The following TTN variants were observed in gnomAD, a reference collection of about 807,000 sequenced individuals.
TTN encodes the protein titin, also known as connectin.
TTN carries 1,525 observed loss-of-function variants against 3,223.0 expected under a neutral mutation model. That is an observed-to-expected ratio of 0.47 (90% CI 0.45 to 0.49). The LOEUF is 0.49. TTN is among the 20% of genes least tolerant of loss of function. The pLI is 0.00. For missense variants in TTN, 40,786 were observed against 43,424.0 expected, an observed-to-expected ratio of 0.94 and a Z score of 5.40; for synonymous variants, 14,094 against 15,161.0, an observed-to-expected ratio of 0.93 and a Z score of 5.17.
Position 178,693,615 on chromosome 2 carries a change from G to A in TTN, c.31588C>T (p.Pro10530Ser), listed in dbSNP as rs1441865570. The A allele has an allele frequency of 2.5e-6, 4 of 1,591,164 alleles. No individual in the cohort carries two copies. Among genetic ancestry groups the A allele is most frequent in the Non-Finnish European group, 2.6e-6 (3 of 1,164,324 alleles). ...VAISKRVEPP[P>S]KVPELPEKPA... Reference sequence around the variant, plus strand: ...TAGAATGAATTACTAATACCTTTAGGTGGTGGTTCAACCCTTTTGGAAATG... The same window carrying A: ...TAGAATGAATTACTAATACCTTTAGATGGTGGTTCAACCCTTTTGGAAATG... Residue 10530 changes from proline to serine, a missense_variant, in exon 119 of 363, where the codon CCT (proline) becomes TCT (serine). Physicochemically the swap from Pro to Ser is moderately conservative, Grantham distance 74 (BLOSUM62 -1). Transcript: ENST00000589042.
At chr2:178,766,644 C>T (rs371198454) in intron 40 of TTN, 32 bp from the exon 41 acceptor site, 83 of 1,568,096 alleles carry the variant, frequency 5.3e-5, no homozygotes, top group Non-Finnish European at 7.2e-5. Context: ...AAAACAACAA[C>T]AACAACAAAA....
Position 178,622,669 on chromosome 2 carries a change from C to A in TTN, c.44913+1G>T, listed in dbSNP as rs1553721106. The A allele has an allele frequency of 1.2e-6, 2 of 1,602,124 alleles. No homozygotes were observed. The highest frequency in any genetic ancestry group is 1.7e-6 in the Non-Finnish European group (2 of 1,173,796). On this transcript the variant is annotated splice_donor_variant, in intron 243 of 362. Transcript: ENST00000589042. LOFTEE classifies it high-confidence loss of function. ...AAGATGACAGGTATACAGTCACAGA[C>A]CTTAGCATTTTCTCGGGAAAGTTCA...
intron 135 of TTN, 38 bp from the exon 136 acceptor site, chr2:178,681,776 A>G (rs757450382): frequency 6.7e-7 from 1 of 1,495,040 alleles, no homozygotes; most frequent in Non-Finnish European, 9.1e-7. Flanking sequence ...TGTTAGACTT[A>G]GAATATAAGT....
chr2:178,774,301 C>T lies in TTN; in HGVS notation c.6963G>A (p.Gln2321=). ...KYTITSRRGR[Q]NLTVKDVTKE... ...TGGTTACATCCTTGACCGTGAGGTT[C>T]TGACGTCCACGACGAGATGTAATTG... Residue 2321 remains glutamine, a synonymous_variant, in exon 30 of 363, where the codon CAG becomes CAA. Coordinates refer to ENST00000589042, the MANE Select transcript of TTN (RefSeq NM_001267550.2). The T allele has an allele frequency of 6.2e-7, 1 of 1,614,126 alleles. No individual in the cohort carries two copies. Among genetic ancestry groups the T allele is most frequent in the African/African-American group, 1.3e-5 (1 of 75,044 alleles).
In TTN at chr2:178,548,691, T is replaced by C. The variant is rs1169211686; in HGVS notation, c.92935A>G (p.Ser30979Gly). 1 of 1,613,764 alleles carries C rather than the reference T, an allele frequency of 6.2e-7. No individual in the cohort carries two copies. Among genetic ancestry groups the C allele is most frequent in the East Asian group, 2.2e-5 (1 of 44,886 alleles). The change falls in exon 339 of 363, where the codon AGC (serine) becomes GGC (glycine). Residue 30979 changes from serine to glycine, a missense_variant. Physicochemically the swap from Ser to Gly is moderately conservative, Grantham distance 56. Coordinates refer to ENST00000589042, the MANE Select transcript of TTN (RefSeq NM_001267550.2). The surrounding 1 kb of genome is among the most constrained non-coding windows in gnomAD (Gnocchi z 4.3). ...TTGCAGTTTTCCACAGTGAGGGTGC[T>C]GAAGGAATCTGTTGTATGGATATCA... ...RADIHTTDSF[S>G]TLTVENCNRN...
chr2:178,665,667 AC>A, intron 164 of TTN, 40 bp downstream of exon 164: 1 of 1,279,362 alleles, frequency 7.8e-7, no homozygotes, highest in South Asian at 2.4e-5. Flanking sequence ...CATGCTAAGC[AC>A]TCTAATAAAT....
Position 178,569,602 on chromosome 2 carries a change from A to T in TTN, c.76530T>A (p.Ile25510=). 6.2e-7 allele frequency: 1 copy of T among 1,612,490 alleles called. No individual in the cohort carries two copies. Among genetic ancestry groups the T allele is most frequent in the Non-Finnish European group, 8.5e-7 (1 of 1,179,268 alleles). The change falls in exon 326 of 363, where the codon ATT becomes ATA. Residue 25510 remains isoleucine, a synonymous_variant. Coordinates refer to ENST00000589042, the MANE Select transcript of TTN (RefSeq NM_001267550.2). ...IVEEKLEAPD[I]DLDLELRKII... ...TTTTCCTTAGTTCTAGGTCAAGATC[A>T]ATGTCTGGTGCTTCTAATTTTTCTT...
At chr2:178,707,009 T>C in intron 100 of TTN, 55 bp from the exon 101 acceptor site, 1 of 1,449,518 alleles carries the variant, frequency 6.9e-7, no homozygotes, top group Non-Finnish European at 9.4e-7. Flanking sequence ...TTACAATACA[T>C]ATCCCCCTTT....
intron 13 of TTN, among the ~76,000 whole-genome samples, chr2:178,787,345 C>G (rs975578223): frequency 6.6e-6 from 1 of 152,024 alleles, no homozygotes; most frequent in Non-Finnish European, 1.5e-5. Flanking sequence ...ACCATCTTCA[C>G]TTTAGATTGC....
Position 178,599,153 on chromosome 2 carries a change from G to A in TTN, c.56640C>T (p.Asn18880=), listed in dbSNP as rs200544272. The A allele has an allele frequency of 1.1e-5, 17 of 1,505,288 alleles. No individual in the cohort carries two copies. Among genetic ancestry groups the A allele is most frequent in the Non-Finnish European group, 1.1e-5 (13 of 1,130,832 alleles). 93.2% of individuals were successfully genotyped at this position (1,505,288 alleles called of 1,614,324 possible). A position where few individuals can be genotyped will look rare whatever the true frequency, so the allele number is the denominator to read the frequency against. The change falls in exon 290 of 363, where the codon AAC becomes AAT. Residue 18880 remains asparagine, a synonymous_variant. Transcript: ENST00000589042. ...PLDSEPETAR[N]LFSVPGAPDK... ...AAATGTTCTCCTACTTACAGAAGAG[G>A]TTTCTTGCTGTTTCAGGTTCACTGT... is the stretch of plus-strand genomic sequence containing the variant.
chr2:178,750,745 T>C lies in TTN; in HGVS notation c.11311+2379A>G. On this transcript the variant is annotated intron_variant, in intron 47 of 362. Coordinates refer to ENST00000589042, the MANE Select transcript of TTN (RefSeq NM_001267550.2). ...CTTCACTTTCTTCAACATTTACAAGTGTACCAAAAGATTCGCTGGCATGTG... is the reference window on the plus strand; with the variant it reads ...CTTCACTTTCTTCAACATTTACAAGCGTACCAAAAGATTCGCTGGCATGTG... 3 of 1,613,024 alleles carry C rather than the reference T, an allele frequency of 1.9e-6. No individual in the cohort carries two copies. The South Asian group carries it at 3.3e-5, about 18-fold the overall frequency.
chr2:178,714,892 T>G, intron 90 of TTN, 94 bp downstream of exon 90: 1 of 1,464,572 alleles, frequency 6.8e-7, no homozygotes, highest in South Asian at 1.4e-5. Context: ...TGGAATAGGC[T>G]GCTAGTGATA....
At position 178,568,661 on chromosome 2, in the gene TTN, C is replaced by T. The variant is rs376051922; in HGVS notation, c.77471G>A (p.Arg25824His). The change falls in exon 326 of 363, where the codon CGT becomes CAT. Residue 25824 changes from arginine to histidine, a missense_variant. Transcript: ENST00000589042. ...AGTCCAGGTAATGGTTGGCTTAGGA[C>T]GTCCAGAAATTGGCACTTCTATTTT... Reference protein sequence around the residue: ...DLKIEVPISGRPKPTITWTKD... With the variant: ...DLKIEVPISGHPKPTITWTKD... 4.4e-5 allele frequency: 71 copies of T among 1,613,214 alleles called. No homozygotes were observed. The highest frequency in any genetic ancestry group is 5.7e-5 in the Non-Finnish European group (67 of 1,179,558).
intron 210 of TTN, 99 bp from the exon 211 acceptor site, chr2:178,649,993 G>A (rs2062677402): frequency 7.0e-7 from 1 of 1,421,760 alleles, no homozygotes; most frequent in Non-Finnish European, 9.7e-7. Context: ...TGGTATATGT[G>A]GGACCAAATT....
At position 178,773,654 on chromosome 2, in the gene TTN, C is replaced by T. The variant is rs1420278166; in HGVS notation, c.7402G>A (p.Val2468Met). 1 of 1,614,008 alleles carries T rather than the reference C, an allele frequency of 6.2e-7. No individual in the cohort carries two copies. The highest frequency in any genetic ancestry group is 8.5e-7 in the Non-Finnish European group (1 of 1,179,970). The change falls in exon 32 of 363, where the codon GTG becomes ATG. Residue 2468 changes from valine to methionine, a missense_variant. Coordinates refer to ENST00000589042, the MANE Select transcript of TTN (RefSeq NM_001267550.2). ...EGTKAVLECKVSVPDVTSVKW... is the reference protein window; with the variant it reads ...EGTKAVLECKMSVPDVTSVKW... ...ACAGAAGTCACATCAGGGACTGACA[C>T]CTTACATTCAAGCACAGCCTTGGTG... is the stretch of plus-strand genomic sequence containing the variant.
chr2:178,796,443 A>AT (rs2093772271), intron 6 of TTN, among the ~76,000 whole-genome samples: 2 of 152,230 alleles, frequency 1.3e-5, no homozygotes, highest in African/African-American at 4.8e-5. Flanking sequence ...CTAACAGTAC[A>AT]TTACAACATT....
In TTN at chr2:178,769,811, T is replaced by G. The variant is rs1057523066; in HGVS notation, c.8770A>C (p.Ser2924Arg). The change falls in exon 37 of 363, where the codon AGT (serine) becomes CGT (arginine). Residue 2924 changes from serine to arginine, a missense_variant. By Grantham distance (110) the Ser-to-Arg change is moderately radical. Transcript: ENST00000589042. Reference protein sequence around the residue: ...WLKNGVEIEMSEKFKIVVQGK... With the variant: ...WLKNGVEIEMREKFKIVVQGK... ...TGCACAACTATCTTGAACTTTTCAC[T>G]CATCTCAATTTCCACACCATTCTTC... 3.1e-6 allele frequency: 5 copies of G among 1,613,976 alleles called. No individual in the cohort carries two copies. The highest frequency in any genetic ancestry group is 4.2e-6 in the Non-Finnish European group (5 of 1,180,004).
rs749120610 is a variant in TTN at position 178,577,376 on chromosome 2, C to T, written c.68959G>A (p.Asp22987Asn). ...TGAGTGATATCTGATGGTCTAATGT[C>T]TTTTCCTGCCTTGGACCAACTTGAT... ...PKSSWSKAGK[D>N]IRPSDITQIT... The change falls in exon 324 of 363, where the codon GAC (aspartate) becomes AAC (asparagine). Residue 22987 changes from aspartate to asparagine, a missense_variant. Physicochemically the swap from Asp to Asn is conservative, Grantham distance 23. Transcript: ENST00000589042. 5.0e-6 allele frequency: 8 copies of T among 1,612,772 alleles called. No individual in the cohort carries two copies. The East Asian group carries it at 1.8e-4, about 36-fold the overall frequency.
chr2:178,667,805 C>G, intron 159 of TTN, 84 bp from the exon 160 acceptor site: 2 of 939,452 alleles, frequency 2.1e-6, no homozygotes, highest in Non-Finnish European at 3.1e-6. Flanking sequence ...TATATAATAC[C>G]ACATTCATCA....
Sources: allele counts gnomAD v4.1 joint callset (sites outside exome capture counted in the v4.1 genomes callset), GRCh38; gene constraint gnomAD v4.1.1; non-coding constraint Gnocchi (gnomAD v3.1); transcripts MANE v1.5; gene names NCBI Gene and HGNC (gene_info 2026-07-23, HGNC 2026-07-21).